The following PTPRR variants were observed in gnomAD, a reference collection of about 807,000 sequenced individuals.
The protein encoded by PTPRR is protein tyrosine phosphatase receptor type R, also known as receptor-type tyrosine-protein phosphatase R.
A neutral mutation model predicts 77.2 loss-of-function variants in PTPRR; 38 were observed. The observed-to-expected ratio is 0.49, with a 90% CI of 0.38 to 0.65. The LOEUF (loss-of-function observed/expected upper bound fraction) is 0.65. PTPRR is among the 30% of genes least tolerant of loss of function. PTPRR has a pLI of 0.00. For missense variants in PTPRR, 744 were observed against 799.2 expected (o/e 0.93, Z 0.83); for synonymous variants, 299 against 283.1 (o/e 1.06, Z -0.57).
intron 6 of PTPRR, among the ~76,000 whole-genome samples, chr12:70,732,594 T>C (rs1167494266): frequency 6.6e-6 from 1 of 152,116 alleles, no homozygotes; most frequent in Non-Finnish European, 1.5e-5. Context: ...AGAGTCTTGC[T>C]CTGTTGCCCA....
At chr12:70,726,581 ATTTTTT>A (rs148966922) in intron 6 of PTPRR, among the ~76,000 whole-genome samples, 6 of 139,716 alleles carry the variant, frequency 4.3e-5, no homozygotes, top group African/African-American at 1.6e-4. Context: ...TCTGCATTTA[ATTTTTT>A]TTTTTTTTTT....
At chr12:70,685,497 A>AAAAAAAAAAAAAAC (rs1887830584) in intron 8 of PTPRR, among the ~76,000 whole-genome samples, 1 of 150,846 alleles carries the variant, frequency 6.6e-6, no homozygotes, top group African/African-American at 2.4e-5. Context: ...AAAAAAAAAA[A>AAAAAAAAAAAAAAC]AAATTAGCCA....
At chr12:70,801,886 T>C (rs959442776) in intron 2 of PTPRR, among the ~76,000 whole-genome samples, 14 of 152,200 alleles carry the variant, frequency 9.2e-5, no homozygotes, top group Non-Finnish European at 1.8e-4. Context: ...TCCTAAGATA[T>C]TATGATTGAA....
At chr12:70,666,412 T>G (rs917824981) in intron 10 of PTPRR, among the ~76,000 whole-genome samples, 1 of 151,294 alleles carries the variant, frequency 6.6e-6, no homozygotes, top group Admixed American at 6.6e-5. Context: ...TTGATCTCTG[T>G]GTTCCTCAAG....
At chr12:70,878,867 A>G (rs970262657) in intron 2 of PTPRR, among the ~76,000 whole-genome samples, 3 of 152,232 alleles carry the variant, frequency 2.0e-5, no homozygotes, top group African/African-American at 7.2e-5. Context: ...TCCATCAATC[A>G]TAGACTGGAT....
chr12:70,656,610 T>C (rs184205425), intron 13 of PTPRR, 94 bp downstream of exon 13: 3 of 864,056 alleles, frequency 3.5e-6, no homozygotes, highest in South Asian at 2.9e-5. Context: ...ATTTAGGACC[T>C]TGGAGCCTGA....
chr12:70,685,204 G>T (rs1036342275), intron 8 of PTPRR, among the ~76,000 whole-genome samples: 1 of 152,000 alleles, frequency 6.6e-6, no homozygotes, highest in African/African-American at 2.4e-5. Flanking sequence ...AGACCCTCAG[G>T]TCTGAACCTC....
intron 1 of PTPRR, among the ~76,000 whole-genome samples, chr12:70,918,060 A>G (rs1893800091): frequency 6.6e-6 from 1 of 152,184 alleles, no homozygotes; most frequent in African/African-American, 2.4e-5. Context: ...AGAGATTAAT[A>G]TCTTGATTTC....
At chr12:70,794,406 G>A (rs770959411) in intron 2 of PTPRR, among the ~76,000 whole-genome samples, 1 of 152,298 alleles carries the variant, frequency 6.6e-6, no homozygotes, top group Middle Eastern at 3.4e-3. Context: ...TGTCCTAAGT[G>A]ACATGAGGGC....
At chr12:70,766,700 G>C (rs1468536170) in intron 2 of PTPRR, among the ~76,000 whole-genome samples, 1 of 151,232 alleles carries the variant, frequency 6.6e-6, no homozygotes, top group Middle Eastern at 3.2e-3. Flanking sequence ...GCAACTCCAA[G>C]ACACATAATT....
Position 70,665,364 on chromosome 12 carries a change from CTTTTTTTTTTTTTTTTTTTT to C in PTPRR, c.1498-2779_1498-2760del, listed in dbSNP as rs72472808. Among the ~76,000 whole-genome samples, 411 of 44,656 alleles carry C rather than the reference CTTTTTTTTTTTTTTTTTTTT, an allele frequency of 9.2e-3. 3 individuals are homozygous for C. The highest frequency in any genetic ancestry group is 0.011 in the Non-Finnish European group (249 of 22,436). 29.3% of individuals were successfully genotyped at this position (44,656 alleles called of 152,430 possible). On this transcript the variant is annotated intron_variant, in intron 10 of 13. Transcript: ENST00000283228. ...GATGTAACACAAAGCAATGCAAATT[CTTTTTTTTTTTTTTTTTTTT>C]TTTTTTTTTTTTTTTGTGATGGAGT...
chr12:70,828,535 T>C (rs558021831), intron 2 of PTPRR, among the ~76,000 whole-genome samples: 26 of 152,336 alleles, frequency 1.7e-4, no homozygotes, highest in African/African-American at 6.0e-4. Context: ...ACAAGACTCA[T>C]AAACCACAGG....
intron 2 of PTPRR, among the ~76,000 whole-genome samples, chr12:70,832,591 A>G (rs1466655206): frequency 6.6e-6 from 1 of 152,112 alleles, no homozygotes; most frequent in Non-Finnish European, 1.5e-5. Flanking sequence ...ATTTACATTT[A>G]TATTAGAATG....
At chr12:70,803,226 A>C (rs889986478) in intron 2 of PTPRR, among the ~76,000 whole-genome samples, 18 of 152,180 alleles carry the variant, frequency 1.2e-4, no homozygotes, top group African/African-American at 4.3e-4. Flanking sequence ...ATAATACAGT[A>C]ATTCCAAATT....
intron 1 of PTPRR, among the ~76,000 whole-genome samples, chr12:70,913,155 T>G (rs1023092868): frequency 2.0e-5 from 3 of 152,166 alleles, no homozygotes; most frequent in Non-Finnish European, 4.4e-5. Flanking sequence ...GATTTTTAAA[T>G]AATTCACAAA....
chr12:70,763,315 T>C (rs1440648207), intron 3 of PTPRR, among the ~76,000 whole-genome samples: 1 of 151,942 alleles, frequency 6.6e-6, no homozygotes, highest in Non-Finnish European at 1.5e-5. Context: ...TTTTAAGTAG[T>C]AGAGATGGGG....
chr12:70,745,747 C>A (rs1890191034), intron 6 of PTPRR, 71 bp downstream of exon 6: 3 of 1,501,420 alleles, frequency 2.0e-6, no homozygotes, highest in African/African-American at 1.4e-5. Context: ...ATTACTAGTT[C>A]TTTCTTTTTT....
At chr12:70,828,837 T>G (rs559534460) in intron 2 of PTPRR, among the ~76,000 whole-genome samples, 1 of 152,316 alleles carries the variant, frequency 6.6e-6, no homozygotes, top group African/African-American at 2.4e-5. Flanking sequence ...AATCCTTTAT[T>G]TCTCACATTT....
chr12:70,838,387 G>C (rs1446537784), intron 2 of PTPRR, among the ~76,000 whole-genome samples: 1 of 152,094 alleles, frequency 6.6e-6, no homozygotes, highest in Non-Finnish European at 1.5e-5. Context: ...CTACTCTAAA[G>C]GTCAATAACA....
Sources: allele counts gnomAD v4.1 joint callset (sites outside exome capture counted in the v4.1 genomes callset), GRCh38; gene constraint gnomAD v4.1.1; transcripts MANE v1.5; gene names NCBI Gene and HGNC (gene_info 2026-07-23, HGNC 2026-07-21).